The following SVIL variants were observed in gnomAD, a reference collection of about 807,000 sequenced individuals.
SVIL encodes supervillin.
A neutral mutation model predicts 240.4 loss-of-function variants in SVIL; 101 were observed. The observed-to-expected ratio is 0.42, with a 90% CI of 0.36 to 0.50. The LOEUF is 0.50. Ranked by LOEUF, SVIL falls within the 20% of genes least tolerant of loss-of-function variation. The pLI, the probability that SVIL is intolerant of heterozygous loss-of-function variation, is 0.01. For missense variants in SVIL, 2,512 were observed against 2,818.7 expected (o/e 0.89, Z 2.46); for synonymous variants, 999 against 1,100.0 (o/e 0.91, Z 1.82).
Position 29,696,480 on chromosome 10 carries a change from C to T in SVIL, c.-399-9829G>A, listed in dbSNP as rs1359434149. Among the ~76,000 whole-genome samples, 10 of 150,820 alleles carry T rather than the reference C, an allele frequency of 6.6e-5. 1 individual carries two copies. Among genetic ancestry groups the T allele is most frequent in the East Asian group, 2.0e-4 (1 of 4,910 alleles). ...CTGGAAAGTGAGGAGCGTCTCTGCC[C>T]GGCTGCCATCCCACCTGGGAAGTGA... is the stretch of plus-strand genomic sequence containing the variant. On this transcript the variant is annotated intron_variant, in intron 1 of 35. Coordinates refer to the SVIL transcript ENST00000375400.
chr10:29,692,101 C>T (rs1198622663), intron 1 of SVIL, among the ~76,000 whole-genome samples: 1 of 152,198 alleles, frequency 6.6e-6, no homozygotes, highest in African/African-American at 2.4e-5. Flanking sequence ...AGAAGGTTCT[C>T]ATGCCAGAAA....
intron 1 of SVIL, among the ~76,000 whole-genome samples, chr10:29,590,292 T>C (rs1185291812): frequency 1.3e-5 from 2 of 150,662 alleles, no homozygotes; most frequent in Non-Finnish European, 2.9e-5. Context: ...CCCAATTAAG[T>C]AAGGCTGCCC....
intron 1 of SVIL, among the ~76,000 whole-genome samples, chr10:29,575,716 C>A (rs556149689): frequency 6.6e-6 from 1 of 152,282 alleles, no homozygotes; most frequent in South Asian, 2.1e-4. Context: ...CTAGTGAAGA[C>A]TGAGCTCTAT....
chr10:29,588,365 G>A (rs1956253225), intron 1 of SVIL, among the ~76,000 whole-genome samples: 1 of 151,800 alleles, frequency 6.6e-6, no homozygotes, highest in Non-Finnish European at 1.5e-5. Flanking sequence ...TCTGCCCTTT[G>A]TGCCGGTGTC....
chr10:29,568,581 C>T (rs1955178714), intron 2 of SVIL, among the ~76,000 whole-genome samples: 1 of 152,156 alleles, frequency 6.6e-6, no homozygotes, highest in African/African-American at 2.4e-5. Flanking sequence ...CTAAAAAGCA[C>T]CTGAGATACA....
At chr10:29,506,972 G>A (rs146407660) in intron 17 of SVIL, among the ~76,000 whole-genome samples, 60 of 152,264 alleles carry the variant, frequency 3.9e-4, no homozygotes, top group Non-Finnish European at 6.0e-4. Context: ...GACATTCCAC[G>A]GTGAAATAAA....
At chr10:29,674,446 G>A (rs1960046555) in intron 2 of SVIL, among the ~76,000 whole-genome samples, 1 of 152,170 alleles carries the variant, frequency 6.6e-6, no homozygotes, top group Non-Finnish European at 1.5e-5. Flanking sequence ...CAACAGCAAA[G>A]CAATAAAGTT....
At chr10:29,730,904 A>T (rs182896402) in intron 1 of SVIL, among the ~76,000 whole-genome samples, 2 of 152,354 alleles carry the variant, frequency 1.3e-5, no homozygotes, top group Non-Finnish European at 2.9e-5. Context: ...CACAATTCAC[A>T]ATAATTAGGA....
At chr10:29,528,636 G>T (rs1349534530) in intron 12 of SVIL, among the ~76,000 whole-genome samples, 1 of 152,108 alleles carries the variant, frequency 6.6e-6, no homozygotes, top group East Asian at 1.9e-4. Flanking sequence ...TACTTGGGAG[G>T]CTGAGGTTGG....
At chr10:29,496,562 C>T (rs1948462652) in intron 18 of SVIL, 1 of 354,486 alleles carries the variant, frequency 2.8e-6, no homozygotes. Flanking sequence ...GCCATGGCTC[C>T]CCCTGCTGGC....
intron 2 of SVIL, among the ~76,000 whole-genome samples, chr10:29,564,415 C>T (rs542539961): frequency 6.6e-6 from 1 of 152,136 alleles, no homozygotes; most frequent in Non-Finnish European, 1.5e-5. Flanking sequence ...GGTGCTGCTG[C>T]CTCGAAGGAA....
intron 16 of SVIL, among the ~76,000 whole-genome samples, chr10:29,518,448 C>T (rs1019211543): frequency 6.6e-6 from 1 of 152,062 alleles, no homozygotes; most frequent in Non-Finnish European, 1.5e-5. Context: ...TTTCCTTGAG[C>T]ATCAAACATA....
At position 29,513,173 on chromosome 10, in the gene SVIL, G is replaced by C. The variant is rs117201212; in HGVS notation, c.3390-312C>G. Among the ~76,000 whole-genome samples, 619 of 152,306 alleles carry C rather than the reference G, an allele frequency of 4.1e-3. 1 individual carries two copies. The highest frequency in any genetic ancestry group is 7.8e-3 in the Non-Finnish European group (533 of 68,030). On this transcript the variant is annotated intron_variant, in intron 16 of 37. Coordinates refer to ENST00000355867, the MANE Select transcript of SVIL (RefSeq NM_021738.3). ...GCCTTGGGCTGAAAGCAAGAGAACC[G>C]TCCCCAGAGAAAAATGTCTTTTAGC...
intron 1 of SVIL, among the ~76,000 whole-genome samples, chr10:29,623,780 G>A (rs761725357): frequency 9.0e-4 from 136 of 151,796 alleles, no homozygotes; most frequent in Admixed American, 1.4e-3. Context: ...GAACCCAGGA[G>A]GGGGAGGTTG....
chr10:29,547,704 A>G (rs1952819348), intron 6 of SVIL, among the ~76,000 whole-genome samples: 1 of 152,224 alleles, frequency 6.6e-6, no homozygotes, highest in Non-Finnish European at 1.5e-5. Flanking sequence ...AATTACTATT[A>G]TAACTGATTT....
chr10:29,501,453 G>A (rs1038983617), intron 17 of SVIL, among the ~76,000 whole-genome samples: 13 of 150,164 alleles, frequency 8.7e-5, no homozygotes, highest in African/African-American at 1.5e-4. Context: ...AAAGTGGGGT[G>A]AGGAGTGGAG....
At chr10:29,611,531 G>A (rs1272817129) in intron 1 of SVIL, among the ~76,000 whole-genome samples, 1 of 152,040 alleles carries the variant, frequency 6.6e-6, no homozygotes, top group African/African-American at 2.4e-5. Flanking sequence ...ACTGGCCCTT[G>A]TTTAAGATAA....
intron 1 of SVIL, among the ~76,000 whole-genome samples, chr10:29,613,349 T>A (rs996590077): frequency 3.3e-5 from 5 of 151,962 alleles, no homozygotes; most frequent in Non-Finnish European, 7.4e-5. Context: ...ATTTATTTAT[T>A]TAGAGTGGGG....
upstream of SVIL, among the ~76,000 whole-genome samples, chr10:29,638,774 A>C (rs1187408553): frequency 6.6e-6 from 1 of 152,218 alleles, no homozygotes; most frequent in African/African-American, 2.4e-5. Flanking sequence ...CAGGCTGTGT[A>C]GATACTTAAA....
Sources: gnomAD v4.1 joint callset for allele counts (sites outside exome capture counted in the v4.1 genomes callset) on GRCh38, gnomAD v4.1.1 for gene constraint, MANE v1.5 for transcripts, NCBI Gene and HGNC (gene_info 2026-07-23, HGNC 2026-07-21) for gene names.